Variants in ZNF83 observed in about 807,000 individuals in gnomAD.
ZNF83 encodes zinc finger protein 816B.
For missense variants in ZNF83, 552 were observed against 629.9 expected, an observed-to-expected ratio of 0.88 and a Z score of 1.32; for synonymous variants, 209 against 213.0, an observed-to-expected ratio of 0.98 and a Z score of 0.17.
intron 3 of ZNF83, chr19:52,653,996 G>A (rs1246499943): frequency 1.1e-5 from 16 of 1,486,946 alleles, no homozygotes; most frequent in African/African-American, 5.5e-5. Flanking sequence ...TGGGTTTTGA[G>A]CCTACAAGAA....
chr19:52,674,650 A>G (rs1261500106), intron 1 of ZNF83, among the ~76,000 whole-genome samples: 1 of 152,188 alleles, frequency 6.6e-6, no homozygotes, highest in Admixed American at 6.5e-5. Context: ...AAAGGAAATT[A>G]AGAAAACACT....
chr19:52,668,948 C>T (rs1156699767), intron 1 of ZNF83, among the ~76,000 whole-genome samples: 1 of 152,168 alleles, frequency 6.6e-6, no homozygotes, highest in Non-Finnish European at 1.5e-5. Context: ...GGCCATCCAG[C>T]TTCCAACTCC....
Position 52,676,502 on chromosome 19 carries a change from G to T in ZNF83, c.-283+13941C>A, listed in dbSNP as rs374571821. ...TAGCCTCCCCGTCCGGGAGGGAGGT[G>T]GGGGGCAGCCCCCGCCCGGCCAGCC... On this transcript the variant is annotated intron_variant, in intron 1 of 5. Transcript: ENST00000594682. Among the ~76,000 whole-genome samples, 34 of 151,218 alleles carry T rather than the reference G, an allele frequency of 2.2e-4. 1 individual carries two copies. In the East Asian group the frequency reaches 5.7e-3, roughly 25 times the overall value.
chr19:52,683,539 C>CA (rs2061963512), intron 1 of ZNF83, among the ~76,000 whole-genome samples: 1 of 140,036 alleles, frequency 7.1e-6, no homozygotes, highest in African/African-American at 2.9e-5. Flanking sequence ...AGGGCAAAGT[C>CA]CCTGCCCATA....
At chr19:52,623,509 G>C (rs983021841) in intron 2 of ZNF83, among the ~76,000 whole-genome samples, 1 of 152,010 alleles carries the variant, frequency 6.6e-6, no homozygotes, top group East Asian at 1.9e-4. Context: ...CCCTTATTAG[G>C]CTGAGACATT....
Position 52,620,927 on chromosome 19 carries a change from C to T in ZNF83, c.-233-6130G>A, listed in dbSNP as rs1270073755. On this transcript the variant is annotated intron_variant, in intron 2 of 2. Transcript: ENST00000301096. The stretch of plus-strand genomic sequence containing the variant: ...ACTTTGTGACCCCCTCCTCTGCTGA[C>T]AATAGATAACCACCTTTAATTGTAA... Among the ~76,000 whole-genome samples, 7 of 152,306 alleles carry T rather than the reference C, an allele frequency of 4.6e-5. No homozygotes were observed. The East Asian group carries it at 9.7e-4, about 21-fold the overall frequency.
chr19:52,621,219 A>G (rs2060530544), intron 2 of ZNF83, among the ~76,000 whole-genome samples: 1 of 152,194 alleles, frequency 6.6e-6, no homozygotes, highest in Non-Finnish European at 1.5e-5. Flanking sequence ...CAACCAGCCC[A>G]AGGAACGTCT....
At chr19:52,639,421 T>C (rs1015590396), upstream of ZNF83, among the ~76,000 whole-genome samples, 4 of 140,228 alleles carry the variant, frequency 2.9e-5, no homozygotes, top group Non-Finnish European at 6.2e-5. Context: ...TTCTATTTTT[T>C]TTTTTTTTTT....
chr19:52,633,180 AG>A (rs2061029552), intron 2 of ZNF83, among the ~76,000 whole-genome samples: 1 of 152,004 alleles, frequency 6.6e-6, no homozygotes, highest in African/African-American at 2.4e-5. Flanking sequence ...CTGGCTCAAA[AG>A]CTCCCCTACT....
chr19:52,613,379 T>A (rs775653462), exon 3 of ZNF83: 10 of 1,613,720 alleles, frequency 6.2e-6, no homozygotes, highest in Middle Eastern at 1.7e-4. Context: ...TTCTCTCCAG[T>A]ATGGATTCTG....
intron 2 of ZNF83, among the ~76,000 whole-genome samples, chr19:52,659,247 G>T (rs890079897): frequency 6.6e-6 from 1 of 152,074 alleles, no homozygotes; most frequent in African/African-American, 2.4e-5. Flanking sequence ...GAGGAAAGCT[G>T]CGATGGAAGC....
chr19:52,670,033 C>A (rs192168279), intron 1 of ZNF83, among the ~76,000 whole-genome samples: 1 of 152,348 alleles, frequency 6.6e-6, no homozygotes. Context: ...ATGTTCAATT[C>A]TTTGCCTTCT....
In ZNF83 at chr19:52,652,968, A is replaced by G. The variant is rs991269284; in HGVS notation, c.-74+2593T>C. On this transcript the variant is annotated intron_variant, in intron 3 of 5. Coordinates refer to the ZNF83 transcript ENST00000594682. ...TATGACTGAAGGTCTTGCCACACTC[A>G]TTACACCTGTAAGGTTTCTCTCCAG... 9 of 1,310,408 alleles carry G rather than the reference A, an allele frequency of 6.9e-6. No homozygotes were observed. In the Admixed American group the frequency reaches 1.2e-4, roughly 17 times the overall value. The allele number at this position is 1,310,408 out of a possible 1,614,324, so 81.2% of individuals were successfully genotyped here.
intron 1 of ZNF83, among the ~76,000 whole-genome samples, chr19:52,688,059 T>A (rs955441591): frequency 6.6e-6 from 1 of 151,996 alleles, no homozygotes; most frequent in Non-Finnish European, 1.5e-5. Flanking sequence ...CTCAATCTCA[T>A]CTTTATAATT....
At chr19:52,677,090 C>A (rs1310085945) in intron 1 of ZNF83, among the ~76,000 whole-genome samples, 9 of 145,004 alleles carry the variant, frequency 6.2e-5, no homozygotes, top group Non-Finnish European at 1.3e-4. Flanking sequence ...CCTGCCAAAT[C>A]CCCCTCTGTG....
At chr19:52,622,796 A>G (rs1287736917) in intron 2 of ZNF83, among the ~76,000 whole-genome samples, 4 of 152,096 alleles carry the variant, frequency 2.6e-5, no homozygotes, top group African/African-American at 7.3e-5. Flanking sequence ...AGCTTCAAAA[A>G]TTGGAATCCA....
intron 3 of ZNF83, chr19:52,654,277 A>C (rs1453513040): frequency 1.9e-6 from 3 of 1,553,596 alleles, no homozygotes; most frequent in Admixed American, 3.4e-5. Flanking sequence ...ATCTTTCTTG[A>C]TTTCTGGGAA....
At chr19:52,671,307 A>C (rs2061721836) in intron 1 of ZNF83, among the ~76,000 whole-genome samples, 1 of 152,214 alleles carries the variant, frequency 6.6e-6, no homozygotes, top group African/African-American at 2.4e-5. Context: ...CTTCCCTGCA[A>C]TATAACTACT....
At chr19:52,667,096 GAA>G (rs1457000601) in intron 1 of ZNF83, among the ~76,000 whole-genome samples, 1 of 151,896 alleles carries the variant, frequency 6.6e-6, no homozygotes, top group African/African-American at 2.4e-5. Context: ...CGTTTTCAAC[GAA>G]AGTCAAGTTT....
Sources: gnomAD v4.1 joint callset for allele counts (sites outside exome capture counted in the v4.1 genomes callset) on GRCh38, gnomAD v4.1.1 for gene constraint, MANE v1.5 for transcripts, NCBI Gene and HGNC (gene_info 2026-07-23, HGNC 2026-07-21) for gene names.